The following TPPP2 variants were observed in gnomAD, a reference collection of about 807,000 sequenced individuals.
TPPP2 encodes the protein tubulin polymerization promoting protein family member 2, also known as tubulin polymerization-promoting protein family member 2.
TPPP2 carries 8 observed loss-of-function variants against 13.0 expected under a neutral mutation model. That is an observed-to-expected ratio of 0.62 (90% CI 0.36 to 1.11). The LOEUF is 1.11. Ranked by LOEUF, TPPP2 falls within the 50% of genes most tolerant of loss-of-function variation. The pLI is 0.02. For synonymous variants in TPPP2, 81 were observed against 81.8 expected, an observed-to-expected ratio of 0.99 and a Z score of 0.05; for missense variants, 213 against 216.9, an observed-to-expected ratio of 0.98 and a Z score of 0.11.
chr14:21,034,246 G>A (rs750691679), downstream of TPPP2: 1 of 1,613,754 alleles, frequency 6.2e-7, no homozygotes. Flanking sequence ...GTTGGCCCCA[G>A]AACAAGCTGG....
chr14:21,027,112 T>C (rs1883737025), upstream of TPPP2, among the ~76,000 whole-genome samples: 1 of 152,134 alleles, frequency 6.6e-6, no homozygotes, highest in African/African-American at 2.4e-5. Context: ...AGGCAGGAGA[T>C]GGGAAATTTC....
chr14:21,030,830 G>A (rs1454288126), intron 2 of TPPP2, 76 bp downstream of exon 2: 3 of 1,557,728 alleles, frequency 1.9e-6, no homozygotes, highest in East Asian at 2.3e-5. Flanking sequence ...TTCACGTGGT[G>A]GAACATTTGC....
At chr14:21,024,469 G>A in intron 1 of TPPP2, 36 of 958,744 alleles carry the variant, frequency 3.8e-5, no homozygotes, top group Non-Finnish European at 4.5e-5. Context: ...GACTAAACGC[G>A]GGGGAATAGG....
Position 21,032,196 on chromosome 14 carries a change from A to AGAT in TPPP2, c.*119_*120insGAT. The AGAT allele has an allele frequency of 2.9e-6, 3 of 1,050,632 alleles. No homozygotes were observed. The highest frequency in any genetic ancestry group is 4.4e-6 in the Non-Finnish European group (3 of 688,478). The allele number at this position is 1,050,632 out of a possible 1,614,324, so 65.1% of individuals were successfully genotyped here. A position where few individuals can be genotyped will look rare whatever the true frequency, so the allele number is the denominator to read the frequency against. On this transcript the variant is annotated 3_prime_UTR_variant, in exon 4 of 4. Transcript: ENST00000321760. ...CAAAATCTCTGTCTGTGAGGGACAG[A>AGAT]TGAGCCTACTAGTGTAGAGAGAGGG...
chr14:21,028,113 C>T (rs1883816761), upstream of TPPP2, among the ~76,000 whole-genome samples: 2 of 152,130 alleles, frequency 1.3e-5, no homozygotes, highest in African/African-American at 2.4e-5. Context: ...TTCCCCACCC[C>T]GGTCCATTCC....
chr14:21,025,011 G>T lies in TPPP2; in HGVS notation n.236+667G>T. ...CGCCTTCCAGGCCCTACGGCCCCTCGCCTGCCCCTCCCCCTACCTGCTGCC... is the reference window on the plus strand; with the variant it reads ...CGCCTTCCAGGCCCTACGGCCCCTCTCCTGCCCCTCCCCCTACCTGCTGCC... On this transcript the variant is annotated intron_variant and non_coding_transcript_variant, in intron 1 of 1. Coordinates refer to the TPPP2 transcript ENST00000533755. This position sits in a 1 kb window ranked among gnomAD's most constrained non-coding sequence, Gnocchi z 5.1. The T allele has an allele frequency of 1.0e-6, 1 of 984,610 alleles. No homozygotes were observed. The highest frequency in any genetic ancestry group is 1.2e-6 in the Non-Finnish European group (1 of 830,332). The allele number at this position is 984,610 out of a possible 1,614,324, so 61.0% of individuals were successfully genotyped here. A position where few individuals can be genotyped will look rare whatever the true frequency, so the allele number is the denominator to read the frequency against.
At chr14:21,024,882 C>T in intron 1 of TPPP2, 1 of 985,608 alleles carries the variant, frequency 1.0e-6, no homozygotes, top group Non-Finnish European at 1.2e-6. Context: ...GGAGCCTCAG[C>T]CTTTGTGCGC....
At chr14:21,034,558 T>C (rs1202375450), downstream of TPPP2, 1 of 431,010 alleles carries the variant, frequency 2.3e-6, no homozygotes, top group Non-Finnish European at 4.1e-6. Flanking sequence ...ATAAGAGCTC[T>C]AACTGGTCCT....
chr14:21,029,931 C>A (rs1318215398), upstream of TPPP2, among the ~76,000 whole-genome samples: 7 of 152,136 alleles, frequency 4.6e-5, no homozygotes, highest in Non-Finnish European at 7.3e-5. Flanking sequence ...TCTAGCAGCC[C>A]AAACAGACTA....
upstream of TPPP2, chr14:21,025,731 T>C (rs903664465): frequency 8.1e-6 from 8 of 983,508 alleles, no homozygotes; most frequent in Non-Finnish European, 3.6e-6. This position sits in a 1 kb window ranked among gnomAD's most constrained non-coding sequence, Gnocchi z 5.1. Context: ...CCGGGAGAAG[T>C]TGGACAACAA....
chr14:21,032,382 T>A lies in TPPP2; in HGVS notation c.*305T>A. 2.1e-6 allele frequency: 1 copy of A among 484,840 alleles called. No homozygotes were observed. The highest frequency in any genetic ancestry group is 4.0e-6 in the Non-Finnish European group (1 of 248,072). 30.0% of individuals were successfully genotyped at this position (484,840 alleles called of 1,614,324 possible). On this transcript the variant is annotated 3_prime_UTR_variant, in exon 4 of 4. Transcript: ENST00000321760. ...TAAAGAGATGAACCAGATGTGGAGG[T>A]AAAAGTATCTACTACTTGTGTTCAC...
chr14:21,027,981 C>A (rs1276893268), upstream of TPPP2, among the ~76,000 whole-genome samples: 2 of 152,162 alleles, frequency 1.3e-5, no homozygotes, highest in African/African-American at 4.8e-5. Context: ...CATGTATTAT[C>A]CCCTAATACC....
Position 21,032,140 on chromosome 14 carries a change from G to A in TPPP2, c.*63G>A. 1 of 1,537,982 alleles carries A rather than the reference G, an allele frequency of 6.5e-7. No homozygotes were observed. The highest frequency in any genetic ancestry group is 9.0e-7 in the Non-Finnish European group (1 of 1,116,550). ...TGCATGTTTAACACCAGGGAGCTTG[G>A]AAAACAATAAACATCTGTGTGTGCA... On this transcript the variant is annotated 3_prime_UTR_variant, in exon 4 of 4. Transcript: ENST00000321760.
upstream of TPPP2, chr14:21,025,393 C>T: frequency 3.0e-6 from 3 of 985,674 alleles, no homozygotes; most frequent in Non-Finnish European, 3.6e-6. The surrounding 1 kb of genome is among the most constrained non-coding windows in gnomAD (Gnocchi z 5.1). Flanking sequence ...CCATCCACGA[C>T]CTGGATCTGC....
chr14:21,026,066 G>A (rs1594464299), upstream of TPPP2, among the ~76,000 whole-genome samples: 1 of 151,950 alleles, frequency 6.6e-6, no homozygotes, highest in Non-Finnish European at 1.5e-5. Context: ...GAATCGCAAT[G>A]CCCGGGGGAT....
In TPPP2 at chr14:21,032,552, G is replaced by A. The variant is rs1398451981; in HGVS notation, c.*475G>A. 4 of 347,218 alleles carry A rather than the reference G, an allele frequency of 1.2e-5. No individual in the cohort carries two copies. The highest frequency in any genetic ancestry group is 8.7e-5 in the African/African-American group (4 of 46,168). 21.5% of individuals were successfully genotyped at this position (347,218 alleles called of 1,614,324 possible). A position where few individuals can be genotyped will look rare whatever the true frequency, so the allele number is the denominator to read the frequency against. On this transcript the variant is annotated 3_prime_UTR_variant, in exon 4 of 4. Transcript: ENST00000321760. ...TGTTGCAATTCAGGTTTTTTGGGTG[G>A]AGGAGTAGAAGCCAGCTAAGGTTGC...
chr14:21,026,899 G>A (rs1883708305), upstream of TPPP2, among the ~76,000 whole-genome samples: 1 of 152,174 alleles, frequency 6.6e-6, no homozygotes, highest in South Asian at 2.1e-4. Flanking sequence ...CGCAAGACAG[G>A]AGAGATCTCA....
upstream of TPPP2, chr14:21,025,825 G>T (rs2297063): frequency 0.16 from 75,211 of 474,766 alleles, 8,111 homozygotes; most frequent in Non-Finnish European, 0.16. This position sits in a 1 kb window ranked among gnomAD's most constrained non-coding sequence, Gnocchi z 5.1. Flanking sequence ...GGAGAGGATG[G>T]CCAACAGGGA....
chr14:21,032,974 G>A, downstream of TPPP2: 2 of 456,156 alleles, frequency 4.4e-6, no homozygotes, highest in South Asian at 3.1e-5. Context: ...TTCGATTAGA[G>A]CCGGGCCTGC....
Sources: allele counts gnomAD v4.1 joint callset (sites outside exome capture counted in the v4.1 genomes callset), GRCh38; gene constraint gnomAD v4.1.1; non-coding constraint Gnocchi (gnomAD v3.1); transcripts MANE v1.5; gene names NCBI Gene and HGNC (gene_info 2026-07-23, HGNC 2026-07-21).